NAALADL2: variants seen among roughly 807,000 people sequenced by gnomAD.
NAALADL2 encodes inactive N-acetylated-alpha-linked acidic dipeptidase-like protein 2.
NAALADL2 carries 76 observed loss-of-function variants against 87.2 expected under a neutral mutation model. That is an observed-to-expected ratio of 0.87 (90% confidence interval 0.72 to 1.05). NAALADL2 has a LOEUF of 1.05. NAALADL2 is among the 50% of genes least tolerant of loss of function. The pLI is 0.00. For missense variants in NAALADL2, 1,089 were observed against 945.8 expected, an observed-to-expected ratio of 1.15 and a Z score of -1.99; for synonymous variants, 354 against 331.0, an observed-to-expected ratio of 1.07 and a Z score of -0.75.
chr3:174,710,500 C>T lies in NAALADL2; in HGVS notation c.-114-27141C>T, dbSNP rs931509317. Among the ~76,000 whole-genome samples the T allele has an allele frequency of 4.6e-5, 7 of 152,190 alleles. No individual in the cohort carries two copies. In the South Asian group the frequency reaches 1.2e-3, roughly 27 times the overall value. ...AACTCCAGACCTCAGGTGGTCTGCC[C>T]GCCTTGGCCTCCCAAAGTGCTGGGA... is the stretch of plus-strand genomic sequence containing the variant. On this transcript the variant is annotated intron_variant, in intron 2 of 3. Coordinates refer to the NAALADL2 transcript ENST00000434257.
At chr3:174,700,847 G>A (rs1729480762) in intron 2 of NAALADL2, among the ~76,000 whole-genome samples, 2 of 152,156 alleles carry the variant, frequency 1.3e-5, no homozygotes, top group African/African-American at 4.8e-5. Flanking sequence ...TGGCTTCCCT[G>A]AGGAGGTAGA....
chr3:174,757,783 G>A (rs1467603413), intron 3 of NAALADL2, among the ~76,000 whole-genome samples: 3 of 152,084 alleles, frequency 2.0e-5, no homozygotes, highest in African/African-American at 7.2e-5. Context: ...GATTACAGGC[G>A]TGAGCCACTG....
At chr3:175,552,002 G>A (rs1454908420) in intron 9 of NAALADL2, among the ~76,000 whole-genome samples, 1 of 151,032 alleles carries the variant, frequency 6.6e-6, no homozygotes, top group Admixed American at 6.6e-5. Flanking sequence ...GAAATTTAAT[G>A]TCAATGTATC....
At chr3:175,375,944 T>C (rs888776465) in intron 5 of NAALADL2, among the ~76,000 whole-genome samples, 1 of 152,114 alleles carries the variant, frequency 6.6e-6, no homozygotes, top group African/African-American at 2.4e-5. Flanking sequence ...GTGGTTGCTC[T>C]GTGGTTTACA....
At chr3:175,078,262 TG>T (rs1306365093) in intron 1 of NAALADL2, among the ~76,000 whole-genome samples, 1 of 152,044 alleles carries the variant, frequency 6.6e-6, no homozygotes, top group Non-Finnish European at 1.5e-5. Context: ...CGACCTCAAG[TG>T]ATCTGCCCGC....
chr3:175,470,388 T>G (rs1724686650), intron 8 of NAALADL2, among the ~76,000 whole-genome samples: 1 of 152,108 alleles, frequency 6.6e-6, no homozygotes, highest in Admixed American at 6.6e-5. Context: ...ATATTTGGGG[T>G]GATGAATATG....
chr3:174,496,264 C>T (rs548642355), intron 1 of NAALADL2, among the ~76,000 whole-genome samples: 29 of 152,230 alleles, frequency 1.9e-4, no homozygotes, highest in Non-Finnish European at 3.1e-4. Flanking sequence ...TGTCTTAAAG[C>T]ACTGAATATG....
Position 175,767,492 on chromosome 3 carries a change from A to T in NAALADL2, c.2189+12074A>T, listed in dbSNP as rs542222348. The T allele has an allele frequency of 3.3e-5, 5 of 152,230 alleles. No homozygotes were observed. The East Asian group carries it at 9.7e-4, about 29-fold the overall frequency. The allele number at this position is 152,230 out of a possible 1,614,324, so 9.4% of individuals were successfully genotyped here. On this transcript the variant is annotated intron_variant, in intron 13 of 13. Coordinates refer to ENST00000454872, the MANE Select transcript of NAALADL2 (RefSeq NM_207015.3). ...GGCAATCTAGATATTCAAATTAGGA[A>T]TAATTTGAATAGAATTCTAAGTTTG...
At chr3:174,898,370 G>A (rs1163728412) in intron 1 of NAALADL2, among the ~76,000 whole-genome samples, 1 of 150,998 alleles carries the variant, frequency 6.6e-6, no homozygotes, top group Non-Finnish European at 1.5e-5. Context: ...TAGATAATGC[G>A]ATAATAATAG....
intron 1 of NAALADL2, among the ~76,000 whole-genome samples, chr3:174,465,641 A>G (rs1308800809): frequency 6.6e-6 from 1 of 152,206 alleles, no homozygotes; most frequent in Non-Finnish European, 1.5e-5. Context: ...GAACTACAGC[A>G]TAGTTTTTCT....
At chr3:175,008,699 T>G (rs1749375566) in intron 1 of NAALADL2, among the ~76,000 whole-genome samples, 1 of 152,180 alleles carries the variant, frequency 6.6e-6, no homozygotes, top group African/African-American at 2.4e-5. Context: ...TGTTCTAGGC[T>G]ATAGGGTAAT....
intron 2 of NAALADL2, among the ~76,000 whole-genome samples, chr3:174,591,299 T>C (rs983989943): frequency 1.3e-5 from 2 of 152,198 alleles, no homozygotes; most frequent in Non-Finnish European, 2.9e-5. Context: ...TAGGGAATTA[T>C]GTTTGGATTG....
chr3:174,781,005 C>G (rs1715902447), intron 3 of NAALADL2, among the ~76,000 whole-genome samples: 1 of 151,992 alleles, frequency 6.6e-6, no homozygotes, highest in Admixed American at 6.6e-5. Flanking sequence ...ATTTGCTTGT[C>G]TGTAAAGGAT....
chr3:175,678,425 G>A (rs1056077437), intron 11 of NAALADL2, among the ~76,000 whole-genome samples: 9 of 152,122 alleles, frequency 5.9e-5, no homozygotes, highest in African/African-American at 2.2e-4. Flanking sequence ...ACATGCACAC[G>A]TATGTTTATT....
intron 9 of NAALADL2, among the ~76,000 whole-genome samples, chr3:175,502,228 GGTGT>G (rs3040528): frequency 0.13 from 18,887 of 147,294 alleles, 1,404 homozygotes; most frequent in East Asian, 0.24. Context: ...CATTATCCTG[GGTGT>G]GTGTGTGTGT....
chr3:174,841,431 G>A (rs1724008345), intron 3 of NAALADL2, among the ~76,000 whole-genome samples: 3 of 152,220 alleles, frequency 2.0e-5, no homozygotes, highest in Admixed American at 2.0e-4. Context: ...ATGAACAGCT[G>A]TTAAATGTTG....
intron 5 of NAALADL2, among the ~76,000 whole-genome samples, chr3:175,338,937 G>A (rs1376075640): frequency 6.6e-6 from 1 of 151,668 alleles, no homozygotes; most frequent in Non-Finnish European, 1.5e-5. Flanking sequence ...AGGGAAGGCA[G>A]CAAAGTAACA....
intron 3 of NAALADL2, among the ~76,000 whole-genome samples, chr3:175,248,118 T>A (rs1748334111): frequency 6.6e-6 from 1 of 152,146 alleles, no homozygotes; most frequent in Non-Finnish European, 1.5e-5. Flanking sequence ...TCGATAACAA[T>A]GTGATGAAAA....
At chr3:174,908,643 ATAAT>A (rs1733283899) in intron 1 of NAALADL2, among the ~76,000 whole-genome samples, 2 of 152,156 alleles carry the variant, frequency 1.3e-5, no homozygotes, top group South Asian at 4.1e-4. Flanking sequence ...TCTTGCTTTC[ATAAT>A]TAATAGGATC....
Sources: gnomAD v4.1 joint callset for allele counts (sites outside exome capture counted in the v4.1 genomes callset) on GRCh38, gnomAD v4.1.1 for gene constraint, MANE v1.5 for transcripts, NCBI Gene and HGNC (gene_info 2026-07-23, HGNC 2026-07-21) for gene names.